Variants in CCDC134 observed in about 807,000 individuals in gnomAD.
CCDC134 encodes the protein coiled-coil domain-containing protein 134.
In CCDC134, 27 loss-of-function variants were observed where a neutral mutation model predicts 25.6. The ratio of observed to expected loss-of-function variants is 1.05; its 90% confidence interval spans 0.78 to 1.45. CCDC134 has a LOEUF of 1.45. CCDC134 is among the 40% of genes most tolerant of loss of function. The pLI is 0.00. For missense variants in CCDC134, 261 were observed against 286.7 expected (o/e 0.91, Z 0.65); for synonymous variants, 110 against 115.0 (o/e 0.96, Z 0.28).
chr22:41,825,593 T>C lies in CCDC134; in HGVS notation c.565-105T>C. On this transcript the variant is annotated intron_variant, in intron 6 of 6. Coordinates refer to ENST00000255784, the MANE Select transcript of CCDC134 (RefSeq NM_024821.5). The surrounding 1 kb of genome is among the most constrained non-coding windows in gnomAD (Gnocchi z 4.4). ...CTGTCTCCGTGTCTGGGGCAGGGCC[T>C]GTGTCCAGGGAACCTTCCTATTCCC... 6 of 1,434,984 alleles carry C rather than the reference T, an allele frequency of 4.2e-6. No homozygotes were observed. Among genetic ancestry groups the C allele is most frequent in the Non-Finnish European group, 4.8e-6 (5 of 1,049,456 alleles). The allele number at this position is 1,434,984 out of a possible 1,614,324, so 88.9% of individuals were successfully genotyped here. A position where few individuals can be genotyped will look rare whatever the true frequency, so the allele number is the denominator to read the frequency against.
chr22:41,812,838 T>TG lies in CCDC134; in HGVS notation c.311-419dup, dbSNP rs375256796. On this transcript the variant is annotated intron_variant, in intron 4 of 6. Coordinates refer to ENST00000255784, the MANE Select transcript of CCDC134 (RefSeq NM_024821.5). The stretch of plus-strand genomic sequence containing the variant: ...ACTGGACATTTGGATAACATGTCGG[T>TG]GGGGGGGTCAAGCCCAGTAAAGTCT... Among the ~76,000 whole-genome samples the TG allele has an allele frequency of 1.4e-3, 208 of 152,070 alleles. 1 individual carries two copies. Among genetic ancestry groups the TG allele is most frequent in the African/African-American group, 4.6e-3 (192 of 41,486 alleles).
At position 41,831,911 on chromosome 22, in the gene CCDC134, T is replaced by A. The variant is rs1376213524; in HGVS notation, c.*6088T>A. The A allele has an allele frequency of 6.6e-6, 1 of 152,222 alleles. No individual in the cohort carries two copies. The highest frequency in any genetic ancestry group is 2.4e-5 in the African/African-American group (1 of 41,450). The allele number at this position is 152,222 out of a possible 1,614,324, so 9.4% of individuals were successfully genotyped here. On this transcript the variant is annotated 3_prime_UTR_variant, in exon 7 of 7. Transcript: ENST00000255784. ...AATTGAATGTGCAAATAATCTCACT[T>A]AACCACAGCTATGAGGGATGCTATT...
intron 1 of CCDC134, among the ~76,000 whole-genome samples, chr22:41,802,358 T>G (rs2076547515): frequency 6.6e-6 from 1 of 152,148 alleles, no homozygotes; most frequent in South Asian, 2.1e-4. Flanking sequence ...GGGTTGTTGG[T>G]CTCTTGCCAT....
chr22:41,822,931 T>TACC (rs2076659304), intron 6 of CCDC134, among the ~76,000 whole-genome samples: 1 of 152,246 alleles, frequency 6.6e-6, no homozygotes, highest in African/African-American at 2.4e-5. Context: ...TCTAACCTGG[T>TACC]AGGCAGATTA....
chr22:41,813,150 C>G (rs2076605099), intron 4 of CCDC134, 114 bp from the exon 5 acceptor site: 1 of 1,053,454 alleles, frequency 9.5e-7, no homozygotes, highest in Non-Finnish European at 1.4e-6. Flanking sequence ...AGGCACTGTT[C>G]CTTCCTTGCT....
chr22:41,810,234 A>C lies in CCDC134; in HGVS notation c.253A>C (p.Thr85Pro), dbSNP rs2076588076. The C allele has an allele frequency of 1.2e-6, 2 of 1,613,876 alleles. No individual in the cohort carries two copies. Among genetic ancestry groups the C allele is most frequent in the Non-Finnish European group, 1.7e-6 (2 of 1,179,964 alleles). ...KVLEDSRTVL[T>P]AADVLPDGPF... is the part of the protein sequence containing the mutation. ...GCTGGAGGACTCCCGGACAGTGCTC[A>C]CCGCTGCTGATGTGCTCCCAGATGG... Residue 85 changes from threonine to proline, a missense_variant, in exon 4 of 7, where the codon ACC becomes CCC. Transcript: ENST00000255784.
At chr22:41,812,421 C>T (rs1345045457) in intron 4 of CCDC134, among the ~76,000 whole-genome samples, 3 of 78,346 alleles carry the variant, frequency 3.8e-5, no homozygotes, top group Admixed American at 2.6e-4. Flanking sequence ...GACTCCGTCT[C>T]CAAAAAAAAA....
At position 41,808,818 on chromosome 22, in the gene CCDC134, A is replaced by G. The variant is rs576467067; in HGVS notation, c.-16-57A>G. 8.8e-5 allele frequency: 123 copies of G among 1,390,438 alleles called. 2 individuals are homozygous for G. The South Asian group carries it at 1.4e-3, about 15-fold the overall frequency. 86.1% of individuals were successfully genotyped at this position (1,390,438 alleles called of 1,614,324 possible). On this transcript the variant is annotated intron_variant, in intron 1 of 6. Transcript: ENST00000255784. ...AAGCTGCTGTTCACCTGTGCACTCT[A>G]TTTTATGTAACACCGATCTCTGAGT...
intron 6 of CCDC134, among the ~76,000 whole-genome samples, chr22:41,823,307 C>A (rs554122528): frequency 6.0e-5 from 9 of 150,588 alleles, no homozygotes; most frequent in African/African-American, 2.2e-4. Flanking sequence ...TCACTGCAAC[C>A]CCCGCCTCCT....
rs568469136 is a variant in CCDC134 at position 41,830,368 on chromosome 22, T to C, written c.*4545T>C. Among the ~76,000 whole-genome samples, 1 of 152,344 alleles carries C rather than the reference T, an allele frequency of 6.6e-6. No individual in the cohort carries two copies. The highest frequency in any genetic ancestry group is 6.5e-5 in the Admixed American group (1 of 15,302). Reference sequence around the variant, plus strand: ...AGTGGGGAACTATGGGAGCAGGTGCTGTGTGCCACCTCTGGAGGGGGTCAC... The same window carrying C: ...AGTGGGGAACTATGGGAGCAGGTGCCGTGTGCCACCTCTGGAGGGGGTCAC... On this transcript the variant is annotated 3_prime_UTR_variant, in exon 7 of 7. Coordinates refer to ENST00000255784, the MANE Select transcript of CCDC134 (RefSeq NM_024821.5).
In CCDC134 at chr22:41,831,703, G is replaced by T. The variant is rs1176307073; in HGVS notation, c.*5880G>T. On this transcript the variant is annotated 3_prime_UTR_variant, in exon 7 of 7. Coordinates refer to ENST00000255784, the MANE Select transcript of CCDC134 (RefSeq NM_024821.5). ...AGAGGCTTCTTGACAGCACAAGTCA[G>T]GGCCCTTGTTAGTTTCATCACATCC... 6.6e-6 allele frequency: 1 copy of T among 152,144 alleles called. No homozygotes were observed. The allele number at this position is 152,144 out of a possible 1,614,324, so 9.4% of individuals were successfully genotyped here. A position where few individuals can be genotyped will look rare whatever the true frequency, so the allele number is the denominator to read the frequency against.
rs755419099 is a variant in CCDC134, at chr22:41,813,248, A to G, written c.311-16A>G. On this transcript the variant is annotated splice_polypyrimidine_tract_variant and intron_variant, in intron 4 of 6. Transcript: ENST00000255784. ...AGAGCATCTGCCCTGGCCACTCATC[A>G]GGGTCCTCTCGCCAGCTTTCTCCCA... is the stretch of plus-strand genomic sequence containing the variant. 1 of 1,613,836 alleles carries G rather than the reference A, an allele frequency of 6.2e-7. No individual in the cohort carries two copies. Among genetic ancestry groups the G allele is most frequent in the Non-Finnish European group, 8.5e-7 (1 of 1,179,766 alleles).
intron 6 of CCDC134, among the ~76,000 whole-genome samples, chr22:41,822,721 G>T (rs1245502017): frequency 2.6e-5 from 4 of 152,156 alleles, no homozygotes; most frequent in Non-Finnish European, 5.9e-5. Flanking sequence ...TGGCCTAAGG[G>T]GTCTCCCAGC....
chr22:41,814,934 C>A (rs950474471), intron 6 of CCDC134, among the ~76,000 whole-genome samples: 16 of 152,266 alleles, frequency 1.1e-4, no homozygotes, highest in African/African-American at 3.9e-4. Context: ...TAGCTGAGAA[C>A]TGCCAAGCTG....
At chr22:41,806,160 A>C (rs2148304806) in intron 1 of CCDC134, among the ~76,000 whole-genome samples, 1 of 151,346 alleles carries the variant, frequency 6.6e-6, no homozygotes, top group South Asian at 2.1e-4. Context: ...AGAACCACAG[A>C]TGACAAAGAC....
At chr22:41,808,261 T>C (rs1397204283) in intron 1 of CCDC134, among the ~76,000 whole-genome samples, 1 of 151,938 alleles carries the variant, frequency 6.6e-6, no homozygotes, top group East Asian at 1.9e-4. Context: ...AGTGAGTGAG[T>C]AGCAAGCCCC....
At chr22:41,810,395 C>G (rs1449498211) in intron 4 of CCDC134, 104 bp downstream of exon 4, 1 of 1,074,532 alleles carries the variant, frequency 9.3e-7, no homozygotes, top group Non-Finnish European at 1.4e-6. Context: ...CGGAAGTGCC[C>G]TCTTGTGGCA....
chr22:41,813,614 A>G, intron 5 of CCDC134, 137 bp from the exon 6 acceptor site: 1 of 1,198,606 alleles, frequency 8.3e-7, no homozygotes. Flanking sequence ...TTCTGTGCTG[A>G]CCCAGTTCCC....
intron 6 of CCDC134, among the ~76,000 whole-genome samples, chr22:41,820,239 G>T (rs951237375): frequency 6.6e-6 from 1 of 151,276 alleles, no homozygotes; most frequent in Non-Finnish European, 1.5e-5. Context: ...CTCGTGATCC[G>T]CCCACCTCGG....
Sources: allele counts gnomAD v4.1 joint callset (sites outside exome capture counted in the v4.1 genomes callset), GRCh38; gene constraint gnomAD v4.1.1; non-coding constraint Gnocchi (gnomAD v3.1); transcripts MANE v1.5; gene names NCBI Gene and HGNC (gene_info 2026-07-23, HGNC 2026-07-21).